Variants in CPVL observed in about 807,000 individuals in gnomAD.
The protein encoded by CPVL is probable serine carboxypeptidase CPVL.
In CPVL, 51 loss-of-function variants were observed where a neutral mutation model predicts 63.7. The observed-to-expected ratio is 0.80, with a 90% CI of 0.64 to 1.01. The LOEUF is 1.01. Ranked by LOEUF, CPVL falls within the 50% of genes least tolerant of loss-of-function variation. CPVL has a pLI of 0.00. For synonymous variants in CPVL, 195 were observed against 206.0 expected (o/e 0.95, Z 0.46); for missense variants, 530 against 573.1 (o/e 0.92, Z 0.77).
chr7:29,119,208 C>CG (rs1007330735), intron 2 of CPVL, among the ~76,000 whole-genome samples: 7 of 152,146 alleles, frequency 4.6e-5, no homozygotes, highest in Admixed American at 4.6e-4. Context: ...GATACAGGGC[C>CG]GGGGGCAGTG....
chr7:29,068,340 G>A (rs1052536918), intron 9 of CPVL, among the ~76,000 whole-genome samples: 10 of 152,142 alleles, frequency 6.6e-5, no homozygotes, highest in Non-Finnish European at 1.3e-4. Context: ...TTTCAAACAT[G>A]AAAGAACTTA....
At chr7:29,133,351 C>A (rs1790889206) in intron 1 of CPVL, among the ~76,000 whole-genome samples, 1 of 152,100 alleles carries the variant, frequency 6.6e-6, no homozygotes, top group South Asian at 2.1e-4. Context: ...CTGACAGTGC[C>A]CCTTTGGCAA....
chr7:29,036,471 C>T (rs997302814), intron 11 of CPVL, among the ~76,000 whole-genome samples: 3 of 152,174 alleles, frequency 2.0e-5, no homozygotes, highest in Admixed American at 6.5e-5. Flanking sequence ...GTGTCAAATA[C>T]TTGGTTGTCA....
intron 12 of CPVL, among the ~76,000 whole-genome samples, chr7:29,002,746 A>T (rs1196695638): frequency 1.3e-5 from 2 of 152,104 alleles, no homozygotes; most frequent in Non-Finnish European, 2.9e-5. Context: ...CATTGAAATT[A>T]AGAACTCGAT....
At chr7:29,029,142 A>C (rs1475793676) in intron 12 of CPVL, among the ~76,000 whole-genome samples, 2 of 152,182 alleles carry the variant, frequency 1.3e-5, no homozygotes, top group Admixed American at 6.5e-5. Flanking sequence ...ATTACCAAAA[A>C]GACAAAAAAT....
At chr7:29,180,937 A>G (rs1797995836) in intron 5 of CPVL, among the ~76,000 whole-genome samples, 1 of 152,230 alleles carries the variant, frequency 6.6e-6, no homozygotes, top group African/African-American at 2.4e-5. Context: ...AACTCTTGGT[A>G]CCAATCACTG....
intron 7 of CPVL, among the ~76,000 whole-genome samples, chr7:29,083,908 C>T (rs920536335): frequency 1.1e-4 from 17 of 152,066 alleles, no homozygotes; most frequent in African/African-American, 4.1e-4. Context: ...TTAGTCTTTA[C>T]AGTTACTTGT....
At chr7:29,169,053 T>C (rs376272982) in intron 5 of CPVL, among the ~76,000 whole-genome samples, 16 of 152,030 alleles carry the variant, frequency 1.1e-4, no homozygotes, top group African/African-American at 3.6e-4. Flanking sequence ...TTGATTTTCA[T>C]AGGCAATTCT....
intron 7 of CPVL, among the ~76,000 whole-genome samples, chr7:29,075,294 C>T (rs922606011): frequency 6.6e-6 from 1 of 152,112 alleles, no homozygotes; most frequent in African/African-American, 2.4e-5. Flanking sequence ...AACACCCACT[C>T]AGTTTTTGAG....
chr7:29,055,549 C>A (rs1037151114), intron 11 of CPVL, among the ~76,000 whole-genome samples: 3 of 152,198 alleles, frequency 2.0e-5, no homozygotes, highest in African/African-American at 7.2e-5. Flanking sequence ...CCGTGCCCGG[C>A]CCTACCACTA....
chr7:29,052,587 C>T (rs1790296405), intron 11 of CPVL, among the ~76,000 whole-genome samples: 1 of 152,018 alleles, frequency 6.6e-6, no homozygotes, highest in Non-Finnish European at 1.5e-5. Flanking sequence ...AAAATCATAT[C>T]TGATAAGGGA....
chr7:29,169,861 CGTGT>C (rs71555785), intron 5 of CPVL, among the ~76,000 whole-genome samples: 2 of 147,924 alleles, frequency 1.4e-5, no homozygotes, highest in East Asian at 2.0e-4. Context: ...AGTATATATA[CGTGT>C]GTGTGTGTGT....
intron 5 of CPVL, among the ~76,000 whole-genome samples, chr7:29,176,111 G>C (rs1797292410): frequency 6.6e-6 from 1 of 151,992 alleles, no homozygotes; most frequent in Non-Finnish European, 1.5e-5. Flanking sequence ...GTGTGAACCT[G>C]GGAGGCGGAG....
chr7:29,158,600 C>T (rs1456673028), intron 5 of CPVL, among the ~76,000 whole-genome samples: 2 of 152,280 alleles, frequency 1.3e-5, no homozygotes, highest in East Asian at 1.9e-4. Context: ...GATCTGTTTT[C>T]ACATGTGTAG....
chr7:29,153,139 T>C (rs1204048016), intron 5 of CPVL, among the ~76,000 whole-genome samples: 1 of 152,216 alleles, frequency 6.6e-6, no homozygotes, highest in Non-Finnish European at 1.5e-5. Context: ...TATCAAGGTA[T>C]ATCTTTCAAG....
chr7:29,018,090 T>C (rs550314394), intron 12 of CPVL, among the ~76,000 whole-genome samples: 2 of 152,324 alleles, frequency 1.3e-5, no homozygotes, highest in South Asian at 2.1e-4. Flanking sequence ...AGGGCTCAAA[T>C]TGCAATCAGG....
At chr7:29,034,810 C>T (rs553950625) in intron 11 of CPVL, among the ~76,000 whole-genome samples, 5 of 139,992 alleles carry the variant, frequency 3.6e-5, no homozygotes, top group South Asian at 2.2e-4. Flanking sequence ...GCTGGGATTA[C>T]AGGCATGAGC....
chr7:29,164,999 C>T (rs554122663), intron 5 of CPVL, among the ~76,000 whole-genome samples: 97 of 152,154 alleles, frequency 6.4e-4, no homozygotes, highest in African/African-American at 2.2e-3. Flanking sequence ...GTGAGTTCTA[C>T]AACTTTATTC....
At position 29,092,657 on chromosome 7, in the gene CPVL, C is replaced by T. The variant is rs1468223687; in HGVS notation, c.508G>A (p.Val170Ile). 6.2e-7 allele frequency: 1 copy of T among 1,613,968 alleles called. No individual in the cohort carries two copies. The highest frequency in any genetic ancestry group is 1.1e-5 in the South Asian group (1 of 91,080). Reference sequence around the variant, plus strand: ...TCCCGTGCTACATCGTCCTCATTGACTGCATATCCGTGGGTATCATCAGTA... The same window carrying T: ...TCCCGTGCTACATCGTCCTCATTGATTGCATATCCGTGGGTATCATCAGTA... ...SFTDDTHGYA[V>I]NEDDVARDLY... is the part of the protein sequence containing the mutation. The change falls in exon 6 of 13, where the codon GTC becomes ATC. Residue 170 changes from valine to isoleucine, a missense_variant. Physicochemically the swap from Val to Ile is conservative, Grantham distance 29. Transcript: ENST00000265394.
Sources: allele counts gnomAD v4.1 joint callset (sites outside exome capture counted in the v4.1 genomes callset), GRCh38; gene constraint gnomAD v4.1.1; transcripts MANE v1.5; gene names NCBI Gene and HGNC (gene_info 2026-07-23, HGNC 2026-07-21).